CELF2: variants seen among roughly 807,000 people sequenced by gnomAD.
The protein encoded by CELF2 is CUGBP Elav-like family member 2, also known as CUG triplet repeat RNA-binding protein 2.
A neutral mutation model predicts 62.6 loss-of-function variants in CELF2; 8 were observed. That is an observed-to-expected ratio of 0.13 (90% CI 0.07 to 0.23). The LOEUF (loss-of-function observed/expected upper bound fraction) is 0.23. CELF2 is among the 10% of genes least tolerant of loss of function. CELF2 has a pLI of 1.00. For synonymous variants in CELF2, 258 were observed against 250.0 expected, an observed-to-expected ratio of 1.03 and a Z score of -0.30; for missense variants, 333 against 671.0, an observed-to-expected ratio of 0.50 and a Z score of 5.56.
chr10:10,788,760 G>A, the CELF2 span, among the ~76,000 whole-genome samples: 2 of 152,106 alleles, frequency 1.3e-5, no homozygotes, highest in South Asian at 4.1e-4. Flanking sequence ...ACCCTGCCCA[G>A]CCTCTTTCCA....
Position 10,972,858 on chromosome 10 carries a change from G to T in CELF2, c.89+52859G>T, listed in dbSNP as rs533849233. ...AAAACATGGGGACATGGTAGATTTTGCCTGTGTCTTCCCTCCCTACATCAT... is the reference window on the plus strand; with the variant it reads ...AAAACATGGGGACATGGTAGATTTTTCCTGTGTCTTCCCTCCCTACATCAT... On this transcript the variant is annotated intron_variant, in intron 2 of 13. Coordinates refer to the CELF2 transcript ENST00000636488. This position sits in a 1 kb window ranked among gnomAD's most constrained non-coding sequence, Gnocchi z 4.4. Among the ~76,000 whole-genome samples the T allele has an allele frequency of 6.6e-6, 1 of 152,280 alleles. No homozygotes were observed. The highest frequency in any genetic ancestry group is 3.4e-3 in the Middle Eastern group (1 of 294).
chr10:11,198,292 T>C (rs2058451124), intron 2 of CELF2, among the ~76,000 whole-genome samples: 1 of 152,232 alleles, frequency 6.6e-6, no homozygotes, highest in South Asian at 2.1e-4. Flanking sequence ...ATGCAGTGAC[T>C]GATAAAAACT....
At chr10:10,511,812 G>T in the CELF2 span, among the ~76,000 whole-genome samples, 1 of 152,166 alleles carries the variant, frequency 6.6e-6, no homozygotes, top group Non-Finnish European at 1.5e-5. Flanking sequence ...CAAACCGCCA[G>T]CAGCCCAGTA....
At chr10:11,080,025 TATAA>T (rs1476509581) in intron 1 of CELF2, among the ~76,000 whole-genome samples, 1 of 152,222 alleles carries the variant, frequency 6.6e-6, no homozygotes, top group African/African-American at 2.4e-5. Flanking sequence ...CTCTCCGGTT[TATAA>T]ATGTTTTAGC....
intron 2 of CELF2, among the ~76,000 whole-genome samples, chr10:11,216,312 C>T (rs957801727): frequency 1.3e-5 from 2 of 152,126 alleles, no homozygotes; most frequent in Non-Finnish European, 2.9e-5. Flanking sequence ...ACTTTATTTT[C>T]CCCCTGAAAT....
At chr10:10,557,744 C>A in the CELF2 span, among the ~76,000 whole-genome samples, 3 of 146,542 alleles carry the variant, frequency 2.0e-5, no homozygotes, top group South Asian at 2.2e-4. Context: ...TGAAGAGGTC[C>A]TTCACATCCC....
At chr10:10,860,600 A>G (rs2059993943) in intron 1 of CELF2, among the ~76,000 whole-genome samples, 1 of 152,226 alleles carries the variant, frequency 6.6e-6, no homozygotes, top group African/African-American at 2.4e-5. Context: ...GTGCTGCTAA[A>G]AGGAAAACTT....
chr10:10,831,366 AC>A (rs1590919501), intron 1 of CELF2, among the ~76,000 whole-genome samples: 2 of 152,334 alleles, frequency 1.3e-5, no homozygotes, highest in South Asian at 4.1e-4. Flanking sequence ...TTCCGAAGCC[AC>A]GCTGCCCTTC....
intron 2 of CELF2, among the ~76,000 whole-genome samples, chr10:11,167,699 G>A (rs894047450): frequency 1.3e-5 from 2 of 152,172 alleles, no homozygotes; most frequent in Admixed American, 1.3e-4. Flanking sequence ...CTAATTTGGC[G>A]AAAATAGTTT....
At chr10:11,203,900 A>AT (rs1369450070) in intron 2 of CELF2, among the ~76,000 whole-genome samples, 1 of 152,178 alleles carries the variant, frequency 6.6e-6, no homozygotes, top group African/African-American at 2.4e-5. Context: ...TGGGAAACAG[A>AT]TTGCGGTGTT....
chr10:10,895,777 TG>T (rs1336176084), intron 1 of CELF2, among the ~76,000 whole-genome samples: 1 of 152,070 alleles, frequency 6.6e-6, no homozygotes, highest in Non-Finnish European at 1.5e-5. Context: ...ATCATACTTT[TG>T]GAAAAAAAAT....
Position 11,182,161 on chromosome 10 carries a change from A to G in CELF2, c.271+16479A>G, listed in dbSNP as rs138384273. Among the ~76,000 whole-genome samples the G allele has an allele frequency of 2.0e-5, 3 of 152,358 alleles. No individual in the cohort carries two copies. The East Asian group carries it at 5.8e-4, about 29-fold the overall frequency. The stretch of plus-strand genomic sequence containing the variant: ...CAGCGTGCTCACCTGAAACCCCGCC[A>G]GACTTACAGATGTTTCGTTTGGCTC... On this transcript the variant is annotated intron_variant, in intron 2 of 12. Coordinates refer to ENST00000633077, the MANE Select transcript of CELF2 (RefSeq NM_001326342.2).
the CELF2 span, among the ~76,000 whole-genome samples, chr10:10,547,243 C>A: frequency 6.6e-6 from 1 of 152,170 alleles, no homozygotes; most frequent in African/African-American, 2.4e-5. Context: ...TGACAAATTC[C>A]TCACTATTGT....
chr10:10,640,360 T>C, the CELF2 span, among the ~76,000 whole-genome samples: 1 of 152,104 alleles, frequency 6.6e-6, no homozygotes, highest in South Asian at 2.1e-4. Flanking sequence ...TCTGGGATCC[T>C]TCCCCCAAGC....
At chr10:10,782,400 A>T in the CELF2 span, among the ~76,000 whole-genome samples, 3 of 152,186 alleles carry the variant, frequency 2.0e-5, no homozygotes, top group Non-Finnish European at 4.4e-5. Flanking sequence ...GAAAGGGGGC[A>T]AATTCCTCCT....
In CELF2 at chr10:11,280,103, G is replaced by T. The variant is rs1215372056; in HGVS notation, c.841+4983G>T. Among the ~76,000 whole-genome samples, 2 of 152,160 alleles carry T rather than the reference G, an allele frequency of 1.3e-5. No homozygotes were observed. The highest frequency in any genetic ancestry group is 4.8e-5 in the African/African-American group (2 of 41,424). On this transcript the variant is annotated intron_variant, in intron 8 of 12. Transcript: ENST00000633077. The surrounding 1 kb of genome is among the most constrained non-coding windows in gnomAD (Gnocchi z 7.6). The stretch of plus-strand genomic sequence containing the variant: ...GCGTGTGGGATAAAGTGTGACTTGG[G>T]GTGCAGACTGAGGAGGCGCCTGGGA...
In CELF2 at chr10:10,951,231, C is replaced by A. The variant is rs534238044; in HGVS notation, c.89+31232C>A. ...CGATCATAGTTCTCAGCAGCCTCGA[C>A]CTTTTGGGCTCAAGCCATCCTCCCA... is the stretch of plus-strand genomic sequence containing the variant. On this transcript the variant is annotated intron_variant, in intron 2 of 13. Coordinates refer to the CELF2 transcript ENST00000636488. 6.6e-5 allele frequency among the ~76,000 whole-genome samples: 10 copies of A among 152,164 alleles called. No individual in the cohort carries two copies. In the South Asian group the frequency reaches 1.9e-3, roughly 29 times the overall value.
chr10:11,236,513 A>C (rs182722759), intron 3 of CELF2, among the ~76,000 whole-genome samples: 268 of 152,348 alleles, frequency 1.8e-3, no homozygotes, highest in African/African-American at 6.1e-3. Context: ...ACTTGAATTG[A>C]AACTAGTAAA....
At chr10:11,183,107 T>G (rs952700510) in intron 2 of CELF2, among the ~76,000 whole-genome samples, 1 of 152,234 alleles carries the variant, frequency 6.6e-6, no homozygotes, top group Non-Finnish European at 1.5e-5. Context: ...GAAAGCTTCC[T>G]CATGCACCTT....
Sources: gnomAD v4.1 joint callset for allele counts (sites outside exome capture counted in the v4.1 genomes callset) on GRCh38, gnomAD v4.1.1 for gene constraint, Gnocchi (gnomAD v3.1) non-coding constraint, MANE v1.5 for transcripts, NCBI Gene and HGNC (gene_info 2026-07-23, HGNC 2026-07-21) for gene names.